The following CNTN6 variants were observed in gnomAD, a reference collection of about 807,000 sequenced individuals.
CNTN6 encodes the protein contactin-6.
A neutral mutation model predicts 122.8 loss-of-function variants in CNTN6; 137 were observed. That is an observed-to-expected ratio of 1.12 (90% CI 0.97 to 1.29). The LOEUF (loss-of-function observed/expected upper bound fraction) is 1.29, where lower values mean the gene tolerates loss of function less well. Among genes scored for constraint, CNTN6 ranks in the 50% most tolerant of loss-of-function variants. The pLI is 0.00. For synonymous variants in CNTN6, 570 were observed against 426.0 expected, an observed-to-expected ratio of 1.34 and a Z score of -4.16; for missense variants, 1,634 against 1,223.4, an observed-to-expected ratio of 1.34 and a Z score of -5.01.
intron 22 of CNTN6, 29 bp from the exon 23 acceptor site, chr3:1,403,289 T>C (rs1032696486): frequency 1.4e-6 from 2 of 1,468,208 alleles, no homozygotes; most frequent in Admixed American, 1.7e-5. Flanking sequence ...TATCTCAAAA[T>C]ATTTTTGTCT....
intron 4 of CNTN6, among the ~76,000 whole-genome samples, chr3:1,244,209 C>A (rs890785536): frequency 6.6e-6 from 1 of 151,950 alleles, no homozygotes; most frequent in African/African-American, 2.4e-5. Flanking sequence ...CTTGAGCACA[C>A]AGGCTAAGGG....
At chr3:1,300,009 C>G (rs1224561590) in intron 7 of CNTN6, among the ~76,000 whole-genome samples, 1 of 151,902 alleles carries the variant, frequency 6.6e-6, no homozygotes, top group Non-Finnish European at 1.5e-5. Context: ...CGGAGTCTTG[C>G]TCTGTTGCTC....
chr3:1,308,636 C>T (rs1698743302), intron 7 of CNTN6, among the ~76,000 whole-genome samples: 1 of 151,838 alleles, frequency 6.6e-6, no homozygotes, highest in South Asian at 2.1e-4. Context: ...TTGTTGTTGT[C>T]TCCGACTCTA....
intron 7 of CNTN6, among the ~76,000 whole-genome samples, chr3:1,298,676 T>G (rs1249148720): frequency 6.6e-6 from 1 of 152,168 alleles, no homozygotes; most frequent in Non-Finnish European, 1.5e-5. Flanking sequence ...AGGAGACAGA[T>G]AGACTAGACT....
Position 1,383,062 on chromosome 3 carries a change from T to G in CNTN6, c.2287T>G (p.Tyr763Asp). 6.2e-7 allele frequency: 1 copy of G among 1,614,006 alleles called. No individual in the cohort carries two copies. Among genetic ancestry groups the G allele is most frequent in the Non-Finnish European group, 8.5e-7 (1 of 1,179,898 alleles). ...VSSVESSRFV[Y>D]RNESIIPLSP... ...ATCTGTGGAATCATCAAGGTTTGTCTACAGAAATGAAAGCATCATCCCACT... is the reference window on the plus strand; with the variant it reads ...ATCTGTGGAATCATCAAGGTTTGTCGACAGAAATGAAAGCATCATCCCACT... Residue 763 changes from tyrosine (Y) to aspartate (D), a missense_variant, in exon 18 of 23, where the codon TAC (tyrosine) becomes GAC (aspartate). Coordinates refer to ENST00000446702, the MANE Select transcript of CNTN6 (RefSeq NM_001289080.2).
At chr3:1,321,927 C>G in intron 8 of CNTN6, 93 bp downstream of exon 8, 1 of 1,121,728 alleles carries the variant, frequency 8.9e-7, no homozygotes, top group Non-Finnish European at 1.3e-6. Context: ...GAAAAAGTGT[C>G]ACGGGAGAAA....
At chr3:1,110,494 C>T (rs2091429475) in intron 1 of CNTN6, among the ~76,000 whole-genome samples, 1 of 151,996 alleles carries the variant, frequency 6.6e-6, no homozygotes, top group Non-Finnish European at 1.5e-5. Flanking sequence ...GTGGGCTAGG[C>T]ACATATTCTA....
At chr3:1,345,112 A>T (rs1559881466) in intron 11 of CNTN6, among the ~76,000 whole-genome samples, 4 of 151,046 alleles carry the variant, frequency 2.6e-5, no homozygotes, top group Admixed American at 2.6e-4. Context: ...CTACTTATGT[A>T]CAATTACTTT....
chr3:1,200,922 G>GTTTT (rs1559500977), intron 2 of CNTN6, among the ~76,000 whole-genome samples: 1 of 145,392 alleles, frequency 6.9e-6, no homozygotes. Context: ...TGTTTCTTTC[G>GTTTT]TTCTTTTTTT....
At chr3:1,276,209 T>C (rs965240500) in intron 4 of CNTN6, among the ~76,000 whole-genome samples, 1 of 152,194 alleles carries the variant, frequency 6.6e-6, no homozygotes, top group African/African-American at 2.4e-5. Flanking sequence ...AAAAATTCAT[T>C]CTGTAACTTT....
chr3:1,268,699 A>G (rs764359422), intron 4 of CNTN6, among the ~76,000 whole-genome samples: 2 of 151,604 alleles, frequency 1.3e-5, no homozygotes, highest in African/African-American at 2.4e-5. Flanking sequence ...GTTTTTTTCC[A>G]TTCATTCATG....
At chr3:1,189,380 A>G (rs1050153366) in intron 2 of CNTN6, among the ~76,000 whole-genome samples, 1 of 152,184 alleles carries the variant, frequency 6.6e-6, no homozygotes, top group Non-Finnish European at 1.5e-5. Flanking sequence ...TATACAAAAC[A>G]TTATACATTG....
At chr3:1,372,077 T>C (rs1421231906) in intron 12 of CNTN6, among the ~76,000 whole-genome samples, 1 of 152,162 alleles carries the variant, frequency 6.6e-6, no homozygotes, top group Non-Finnish European at 1.5e-5. Context: ...TATTTTCATA[T>C]AAGGTGTGAA....
intron 7 of CNTN6, among the ~76,000 whole-genome samples, chr3:1,312,065 T>C (rs1175070378): frequency 3.3e-5 from 5 of 152,080 alleles, no homozygotes; most frequent in Non-Finnish European, 7.4e-5. Flanking sequence ...TGGAACACTA[T>C]GTAAAATACT....
chr3:1,103,208 C>G (rs1294902408), intron 1 of CNTN6, among the ~76,000 whole-genome samples: 1 of 152,126 alleles, frequency 6.6e-6, no homozygotes, highest in Non-Finnish European at 1.5e-5. Context: ...TAAAGTGGAA[C>G]ATGAAGGTGT....
chr3:1,125,591 A>G (rs2092131505), intron 1 of CNTN6, among the ~76,000 whole-genome samples: 2 of 151,806 alleles, frequency 1.3e-5, no homozygotes, highest in South Asian at 4.1e-4. Flanking sequence ...TTCAGCTTGT[A>G]AAATGATAGA....
intron 4 of CNTN6, among the ~76,000 whole-genome samples, chr3:1,255,690 T>C (rs2094745704): frequency 6.6e-6 from 1 of 152,040 alleles, no homozygotes; most frequent in African/African-American, 2.4e-5. Flanking sequence ...TATTATTTCT[T>C]AGAGTCAAGG....
At chr3:1,134,934 T>C (rs923636100) in intron 1 of CNTN6, among the ~76,000 whole-genome samples, 14 of 152,106 alleles carry the variant, frequency 9.2e-5, no homozygotes, top group Non-Finnish European at 1.6e-4. Flanking sequence ...AAATGTATCA[T>C]GAGGTCAGTG....
At chr3:1,384,079 G>C (rs778615898) in intron 19 of CNTN6, among the ~76,000 whole-genome samples, 27 of 149,442 alleles carry the variant, frequency 1.8e-4, no homozygotes, top group African/African-American at 6.4e-4. Context: ...TTAACACATA[G>C]TAGCCATTTT....
Sources: gnomAD v4.1 joint callset for allele counts (sites outside exome capture counted in the v4.1 genomes callset) on GRCh38, gnomAD v4.1.1 for gene constraint, MANE v1.5 for transcripts, NCBI Gene and HGNC (gene_info 2026-07-23, HGNC 2026-07-21) for gene names.